Variants in FARS2 observed in about 807,000 individuals in gnomAD.
FARS2 encodes phenylalanyl-tRNA synthetase 2, mitochondrial, also known as phenylalanine--tRNA ligase, mitochondrial.
Under a neutral mutation model 46.4 loss-of-function variants are expected in FARS2, and 40 were observed. The ratio of observed to expected loss-of-function variants is 0.86; its 90% CI spans 0.67 to 1.12. The LOEUF is 1.12. Among genes scored for constraint, FARS2 ranks in the 50% most tolerant of loss-of-function variants. The pLI is 0.00. For synonymous variants in FARS2, 234 were observed against 214.9 expected (o/e 1.09, Z -0.78); for missense variants, 513 against 567.9 (o/e 0.90, Z 0.98).
At chr6:5,730,182 A>C (rs1760528229) in intron 6 of FARS2, among the ~76,000 whole-genome samples, 1 of 151,298 alleles carries the variant, frequency 6.6e-6, no homozygotes, top group Non-Finnish European at 1.5e-5. Flanking sequence ...CCATCTGTCC[A>C]TGTAGCTGAG....
intron 2 of FARS2, among the ~76,000 whole-genome samples, chr6:5,372,110 G>T (rs1759099009): frequency 6.6e-6 from 1 of 152,034 alleles, no homozygotes; most frequent in Admixed American, 6.5e-5. Flanking sequence ...TATGAATTAA[G>T]AATTTTTATG....
In FARS2 at chr6:5,347,233, A is replaced by G. The variant is rs114957452; in HGVS notation, c.-21-21317A>G. On this transcript the variant is annotated intron_variant, in intron 1 of 6. Coordinates refer to ENST00000274680, the MANE Select transcript of FARS2 (RefSeq NM_006567.5). ...CTGGCCCATTCATTAAGTTCTGACA[A>G]AAGTATGTATCTTTGCAATTTAAAC... Among the ~76,000 whole-genome samples, 602 of 152,212 alleles carry G rather than the reference A, an allele frequency of 4.0e-3. 6 individuals carry two copies. The highest frequency in any genetic ancestry group is 0.014 in the African/African-American group (573 of 41,532).
At position 5,510,523 on chromosome 6, in the gene FARS2, G is replaced by A. The variant is rs373317942; in HGVS notation, c.905-34657G>A. 3.0e-4 allele frequency among the ~76,000 whole-genome samples: 45 copies of A among 152,334 alleles called. No individual in the cohort carries two copies. The East Asian group carries it at 7.0e-3, about 24-fold the overall frequency. On this transcript the variant is annotated intron_variant, in intron 4 of 6. Transcript: ENST00000274680. ...TTAAGCTCCTGAATGCCCGCCGCAC[G>A]CCCAGGGCTTTGCACACGGTGGGCA... is the stretch of plus-strand genomic sequence containing the variant.
intron 6 of FARS2, among the ~76,000 whole-genome samples, chr6:5,700,411 T>G (rs1183358400): frequency 6.6e-6 from 1 of 152,018 alleles, no homozygotes; most frequent in Admixed American, 6.6e-5. Context: ...AGTGGCAATT[T>G]CTTTTTTTTT....
chr6:5,539,170 G>A (rs1404545386), intron 4 of FARS2, among the ~76,000 whole-genome samples: 2 of 151,410 alleles, frequency 1.3e-5, no homozygotes, highest in East Asian at 3.9e-4. Flanking sequence ...CAACCTTTCA[G>A]TGTGGTCCTG....
chr6:5,760,132 C>T (rs1762407954), intron 6 of FARS2, among the ~76,000 whole-genome samples: 1 of 152,186 alleles, frequency 6.6e-6, no homozygotes, highest in South Asian at 2.1e-4. Flanking sequence ...ACAAATTTCT[C>T]TTTACCGATG....
intron 1 of FARS2, among the ~76,000 whole-genome samples, chr6:5,299,532 G>C (rs774586800): frequency 2.6e-4 from 39 of 152,206 alleles, no homozygotes; most frequent in Non-Finnish European, 4.4e-4. Context: ...GTTCATCAAA[G>C]TTTGGAGATG....
intron 4 of FARS2, among the ~76,000 whole-genome samples, chr6:5,506,580 C>T (rs2150392973): frequency 6.6e-6 from 1 of 152,266 alleles, no homozygotes; most frequent in Admixed American, 6.5e-5. Flanking sequence ...GTCTCTAGCA[C>T]CTCCCACCAC....
intron 2 of FARS2, among the ~76,000 whole-genome samples, chr6:5,390,676 G>C (rs1760451965): frequency 6.6e-6 from 1 of 152,116 alleles, no homozygotes; most frequent in Non-Finnish European, 1.5e-5. Flanking sequence ...CATTTCTTCT[G>C]CTGTTTTTCT....
intron 1 of FARS2, among the ~76,000 whole-genome samples, chr6:5,337,597 T>C (rs1771252340): frequency 1.3e-5 from 2 of 152,222 alleles, no homozygotes; most frequent in Non-Finnish European, 2.9e-5. Context: ...TATTTACTGT[T>C]GGTAATTGCT....
intron 4 of FARS2, among the ~76,000 whole-genome samples, chr6:5,516,813 A>G (rs1449816460): frequency 1.3e-5 from 2 of 152,222 alleles, no homozygotes; most frequent in Non-Finnish European, 2.9e-5. Context: ...ATGTTTACTC[A>G]GGAACCCCCC....
chr6:5,270,648 A>G (rs981311559), intron 1 of FARS2, among the ~76,000 whole-genome samples: 1 of 152,084 alleles, frequency 6.6e-6, no homozygotes, highest in Non-Finnish European at 1.5e-5. Context: ...ATGTCACCAC[A>G]CTATAGACAG....
intron 1 of FARS2, among the ~76,000 whole-genome samples, chr6:5,342,418 CA>C (rs1461054202): frequency 1.3e-5 from 2 of 152,142 alleles, no homozygotes; most frequent in Admixed American, 6.5e-5. Flanking sequence ...AACAGCCAGA[CA>C]ACTGAGACAA....
chr6:5,576,626 TATATTAA>T (rs1772992902), intron 5 of FARS2, among the ~76,000 whole-genome samples: 1 of 59,098 alleles, frequency 1.7e-5, no homozygotes, highest in Non-Finnish European at 3.9e-5. Flanking sequence ...GTATATATCA[TATATTAA>T]CATATATATA....
Position 5,771,481 on chromosome 6 carries a change from A to G in FARS2, c.*52A>G, listed in dbSNP as rs779443962. On this transcript the variant is annotated 3_prime_UTR_variant, in exon 7 of 7. Transcript: ENST00000274680. ...CCTCTTGGGGCTCCAGGATTTGCTG[A>G]AAGAGAAAAAGATATGGTTTGTGAA... The G allele has an allele frequency of 1.3e-6, 2 of 1,561,606 alleles. No individual in the cohort carries two copies. Among genetic ancestry groups the G allele is most frequent in the Non-Finnish European group, 1.7e-6 (2 of 1,156,420 alleles).
intron 1 of FARS2, among the ~76,000 whole-genome samples, chr6:5,345,200 TA>T (rs11437782): frequency 0.028 from 4,232 of 148,818 alleles, 179 homozygotes; most frequent in African/African-American, 0.095. Context: ...AATAGTATAA[TA>T]AAAAAAAAAC....
Position 5,379,638 on chromosome 6 carries a change from G to A in FARS2, c.612+10456G>A, listed in dbSNP as rs116693269. Among the ~76,000 whole-genome samples the A allele has an allele frequency of 4.5e-3, 688 of 152,230 alleles. 7 individuals carry two copies. The highest frequency in any genetic ancestry group is 0.016 in the African/African-American group (652 of 41,538). On this transcript the variant is annotated intron_variant, in intron 2 of 6. Transcript: ENST00000274680. ...TGATATCCACGCTCTGGAATGTACC[G>A]AAATCTGCTTTCTTGGGTGTGGGGA...
intron 2 of FARS2, among the ~76,000 whole-genome samples, chr6:5,376,559 A>G (rs1365739598): frequency 6.6e-6 from 1 of 152,204 alleles, no homozygotes; most frequent in Non-Finnish European, 1.5e-5. Flanking sequence ...CATCAAGAGG[A>G]GCAAGGATAG....
chr6:5,579,731 G>A (rs1773216682), intron 5 of FARS2, among the ~76,000 whole-genome samples: 1 of 152,172 alleles, frequency 6.6e-6, no homozygotes, highest in African/African-American at 2.4e-5. Flanking sequence ...TTCGTATCTT[G>A]TTGAGTTATT....
Sources: gnomAD v4.1 joint callset for allele counts (sites outside exome capture counted in the v4.1 genomes callset) on GRCh38, gnomAD v4.1.1 for gene constraint, MANE v1.5 for transcripts, NCBI Gene and HGNC (gene_info 2026-07-23, HGNC 2026-07-21) for gene names.